The following FBXW4 variants were observed in gnomAD, a reference collection of about 807,000 sequenced individuals.
The protein encoded by FBXW4 is F-box/WD repeat-containing protein 4.
FBXW4 carries 40 observed loss-of-function variants against 61.8 expected under a neutral mutation model. That is an observed-to-expected ratio of 0.65 (90% CI 0.50 to 0.84). The LOEUF is 0.84. FBXW4 is among the 40% of genes least tolerant of loss of function. FBXW4 has a pLI of 0.00. For synonymous variants in FBXW4, 311 were observed against 313.8 expected, an observed-to-expected ratio of 0.99 and a Z score of 0.10; for missense variants, 672 against 753.8, an observed-to-expected ratio of 0.89 and a Z score of 1.27.
intron 5 of FBXW4, among the ~76,000 whole-genome samples, chr10:101,664,970 G>C (rs2064284419): frequency 6.6e-6 from 1 of 152,176 alleles, no homozygotes; most frequent in African/African-American, 2.4e-5. Context: ...CTGAGGCTGG[G>C]AGCGGGAATG....
rs1196561375 is a variant in FBXW4 at position 101,694,545 on chromosome 10, C to T, written c.561G>A (p.Pro187=). ...AGCAGATGAGCAGCAGCAGCTCCTC[C>T]GGCAGGCGCCAGAGCGCAGGCCCCG... ...PAAGPALWRL[P]EELLLLICSY... is the part of the protein sequence containing the mutation. The change falls in exon 1 of 9, where the codon CCG becomes CCA. Residue 187 remains proline, a synonymous_variant. Transcript: ENST00000331272. This position sits in a 1 kb window ranked among gnomAD's most constrained non-coding sequence, Gnocchi z 6.0. 5 of 1,491,628 alleles carry T rather than the reference C, an allele frequency of 3.4e-6. No individual in the cohort carries two copies. Among genetic ancestry groups the T allele is most frequent in the Non-Finnish European group, 3.5e-6 (4 of 1,128,760 alleles). The allele number at this position is 1,491,628 out of a possible 1,614,324, so 92.4% of individuals were successfully genotyped here.
At chr10:101,687,539 T>A (rs1285052827) in intron 1 of FBXW4, among the ~76,000 whole-genome samples, 1 of 152,154 alleles carries the variant, frequency 6.6e-6, no homozygotes, top group Non-Finnish European at 1.5e-5. Context: ...TCCCCTAACA[T>A]GTAACTATTA....
chr10:101,676,738 G>GAAAAAAAAAAAAAAAAAAAAA (rs2064413552), intron 1 of FBXW4: 1 of 81,120 alleles, frequency 1.2e-5, no homozygotes, highest in African/African-American at 6.5e-5. Context: ...AAAAAAAAAT[G>GAAAAAAAAAAAAAAAAAAAAA]AAATGAATCC....
At chr10:101,613,950 A>G (rs1386633621) in intron 6 of FBXW4, among the ~76,000 whole-genome samples, 1 of 152,178 alleles carries the variant, frequency 6.6e-6, no homozygotes, top group African/African-American at 2.4e-5. Flanking sequence ...GGCTCCTGAG[A>G]GGGATCAGGC....
chr10:101,668,961 C>T (rs964284814), intron 4 of FBXW4, among the ~76,000 whole-genome samples: 2 of 152,186 alleles, frequency 1.3e-5, no homozygotes, highest in African/African-American at 4.8e-5. Context: ...AAGGGGAACA[C>T]ACAAAACTCA....
In FBXW4 at chr10:101,644,964, G is replaced by C. The variant is rs116154802; in HGVS notation, c.1236-20154C>G. Among the ~76,000 whole-genome samples the C allele has an allele frequency of 3.0e-3, 461 of 152,256 alleles. 5 individuals carry two copies. The highest frequency in any genetic ancestry group is 0.011 in the African/African-American group (448 of 41,540). ...GGCCATGGGCTGTAGGAGCAGTTTG[G>C]CACATGGTTTGTAGGTGGTGGTCAG... On this transcript the variant is annotated intron_variant, in intron 5 of 8. Transcript: ENST00000331272.
At chr10:101,659,262 G>A (rs911995509) in intron 5 of FBXW4, 1 of 448,426 alleles carries the variant, frequency 2.2e-6, no homozygotes, top group South Asian at 9.4e-5. Context: ...GTGTCCACCT[G>A]TTCACAAGGT....
At chr10:101,682,106 T>C (rs1306424257) in intron 1 of FBXW4, among the ~76,000 whole-genome samples, 1 of 152,240 alleles carries the variant, frequency 6.6e-6, no homozygotes, top group African/African-American at 2.4e-5. Flanking sequence ...TACATAAGTA[T>C]AGGTAGTAGA....
At chr10:101,663,483 T>C (rs2064264911) in intron 5 of FBXW4, among the ~76,000 whole-genome samples, 1 of 152,204 alleles carries the variant, frequency 6.6e-6, no homozygotes, top group Non-Finnish European at 1.5e-5. Context: ...ATAAAACATA[T>C]TACACATTTT....
intron 5 of FBXW4, among the ~76,000 whole-genome samples, chr10:101,648,083 A>G (rs2064115968): frequency 6.6e-6 from 1 of 152,230 alleles, no homozygotes; most frequent in South Asian, 2.1e-4. Context: ...CAAAGGGATT[A>G]GGCCTCCATT....
intron 6 of FBXW4, among the ~76,000 whole-genome samples, chr10:101,615,197 G>C (rs553141385): frequency 6.6e-6 from 1 of 152,282 alleles, no homozygotes. Context: ...CGAGAGGGGG[G>C]TGCAGAGCCT....
intron 5 of FBXW4, among the ~76,000 whole-genome samples, chr10:101,629,427 G>A (rs1217722773): frequency 6.6e-6 from 1 of 152,046 alleles, no homozygotes; most frequent in Admixed American, 6.6e-5. Context: ...GAGTTAACAG[G>A]TGCGCACCAC....
chr10:101,683,019 A>G (rs1247901119), intron 1 of FBXW4, among the ~76,000 whole-genome samples: 2 of 152,196 alleles, frequency 1.3e-5, no homozygotes, highest in Non-Finnish European at 2.9e-5. Context: ...AAATCCAAAG[A>G]AATTTTTAAT....
chr10:101,673,589 A>G lies in FBXW4; in HGVS notation c.906T>C (p.Asp302=), dbSNP rs960089425. ...GAGGCCGACGATTCAAGCTGGCACC[A>G]TCTGGACGGAACTGGTAGGCCAGGA... The part of the protein sequence containing the change: ...NFILAYQFRP[D]GASLNRRPLG... Residue 302 remains aspartate (D), a synonymous_variant, in exon 3 of 9, where the codon GAT becomes GAC. Coordinates refer to ENST00000331272, the MANE Select transcript of FBXW4 (RefSeq NM_022039.4). The G allele has an allele frequency of 6.2e-7, 1 of 1,613,940 alleles. No homozygotes were observed. Among genetic ancestry groups the G allele is most frequent in the Non-Finnish European group, 8.5e-7 (1 of 1,179,918 alleles).
chr10:101,670,935 C>T (rs2064352840), intron 4 of FBXW4, among the ~76,000 whole-genome samples: 1 of 152,012 alleles, frequency 6.6e-6, no homozygotes, highest in Non-Finnish European at 1.5e-5. Context: ...TGTTTTACTT[C>T]CCTTTACCCC....
intron 6 of FBXW4, 31 bp from the exon 7 acceptor site, chr10:101,612,508 C>A: frequency 6.6e-7 from 1 of 1,521,132 alleles, no homozygotes. Flanking sequence ...TGAGAGGCTG[C>A]TCCACGTGGG....
Position 101,694,358 on chromosome 10 carries a change from C to G in FBXW4, c.725+23G>C, listed in dbSNP as rs1240222594. ...CGCGGGGCCGGCTCGGGGCGGGGAG[C>G]GGGCGGGCGAGCGGACGCTTACAGG... On this transcript the variant is annotated intron_variant, in intron 1 of 8. Transcript: ENST00000331272. This position sits in a 1 kb window ranked among gnomAD's most constrained non-coding sequence, Gnocchi z 6.0. 29 of 1,353,972 alleles carry G rather than the reference C, an allele frequency of 2.1e-5. No individual in the cohort carries two copies. The highest frequency in any genetic ancestry group is 2.5e-5 in the Non-Finnish European group (27 of 1,060,810). 83.9% of individuals were successfully genotyped at this position (1,353,972 alleles called of 1,614,324 possible).
rs1024236463 is a variant in FBXW4 at position 101,647,988 on chromosome 10, T to G, written c.1235+19898A>C. Among the ~76,000 whole-genome samples the G allele has an allele frequency of 2.6e-5, 4 of 152,148 alleles. No individual in the cohort carries two copies. The East Asian group carries it at 7.7e-4, about 29-fold the overall frequency. On this transcript the variant is annotated intron_variant, in intron 5 of 8. Transcript: ENST00000331272. ...TGCTCGGAATCTGCAGGGAGGGAGA[T>G]AAAAATGAGCTGCCTCCTATAGGTG... is the stretch of plus-strand genomic sequence containing the variant.
intron 5 of FBXW4, among the ~76,000 whole-genome samples, chr10:101,635,440 G>A (rs1381804387): frequency 6.7e-6 from 1 of 149,796 alleles, no homozygotes; most frequent in Non-Finnish European, 1.5e-5. Flanking sequence ...CCGAGGCTAT[G>A]GAAAAATTGA....
Sources: gnomAD v4.1 joint callset for allele counts (sites outside exome capture counted in the v4.1 genomes callset) on GRCh38, gnomAD v4.1.1 for gene constraint, Gnocchi (gnomAD v3.1) non-coding constraint, MANE v1.5 for transcripts, NCBI Gene and HGNC (gene_info 2026-07-23, HGNC 2026-07-21) for gene names.